The following PRR33 variants were observed in gnomAD, a reference collection of about 807,000 sequenced individuals.
PRR33 encodes the protein proline-rich protein 33.
PRR33 carries 1 observed loss-of-function variant against 0.5 expected under a neutral mutation model. The observed-to-expected ratio is 2.18, with a 90% confidence interval of 0.77 to 10.34. The LOEUF (loss-of-function observed/expected upper bound fraction) is 10.34. Among genes scored for constraint, PRR33 ranks in the 30% most tolerant of loss-of-function variants. The pLI, the probability that PRR33 is intolerant of heterozygous loss-of-function variation, is 0.13. For synonymous variants in PRR33, 226 were observed against 110.0 expected, an observed-to-expected ratio of 2.06 and a Z score of -6.60; for missense variants, 552 against 251.8, an observed-to-expected ratio of 2.19 and a Z score of -8.07.
chr11:1,906,964 A>G, the PRR33 span, among the ~76,000 whole-genome samples: 1 of 152,180 alleles, frequency 6.6e-6, no homozygotes, highest in African/African-American at 2.4e-5. Context: ...TGTGGGCTCC[A>G]CCTCAACTCC....
chr11:1,914,406 C>T, the PRR33 span, among the ~76,000 whole-genome samples: 1 of 151,156 alleles, frequency 6.6e-6, no homozygotes, highest in South Asian at 2.1e-4. Flanking sequence ...TGGGGTCACA[C>T]ACCTGGGATG....
chr11:1,889,476 G>T (rs1435180486), exon 1 of PRR33: 3 of 628,420 alleles, frequency 4.8e-6, no homozygotes, highest in Non-Finnish European at 8.8e-6. Flanking sequence ...CTCTGTGGGG[G>T]TGGGCACCTC....
At chr11:1,894,224 A>AGAGTGT (rs141842016), upstream of PRR33, among the ~76,000 whole-genome samples, 2,205 of 127,724 alleles carry the variant, frequency 0.017, 85 homozygotes, top group African/African-American at 0.067. Context: ...GGAGTGTGGG[A>AGAGTGT]GTGTGTGTGT....
chr11:1,893,661 T>C (rs1422341674), upstream of PRR33, among the ~76,000 whole-genome samples: 2 of 143,038 alleles, frequency 1.4e-5, no homozygotes, highest in Admixed American at 1.4e-4. Context: ...AATGAAGGGA[T>C]GGGTAGGTGG....
the PRR33 span, among the ~76,000 whole-genome samples, chr11:1,910,202 G>A: frequency 2.0e-5 from 3 of 151,942 alleles, no homozygotes; most frequent in Non-Finnish European, 4.4e-5. Context: ...GCAAATGCCG[G>A]ACTGAGGGAT....
At chr11:1,905,378 C>T in the PRR33 span, among the ~76,000 whole-genome samples, 1 of 151,242 alleles carries the variant, frequency 6.6e-6, no homozygotes, top group African/African-American at 2.4e-5. Context: ...CCGTCTGCCT[C>T]AGGCTCCCAA....
chr11:1,907,483 C>T, the PRR33 span, among the ~76,000 whole-genome samples: 2 of 152,348 alleles, frequency 1.3e-5, no homozygotes, highest in South Asian at 2.1e-4. Flanking sequence ...GCAATCTTGG[C>T]TCACTGCAAC....
exon 1 of PRR33, chr11:1,889,233 C>T (rs748044107): frequency 2.5e-5 from 17 of 674,106 alleles, no homozygotes; most frequent in Non-Finnish European, 3.9e-5. Flanking sequence ...GGGAGGGGGC[C>T]GGGTGGCCTC....
the PRR33 span, among the ~76,000 whole-genome samples, chr11:1,911,183 G>A: frequency 3.3e-5 from 5 of 152,146 alleles, no homozygotes; most frequent in South Asian, 2.1e-4. Context: ...AGTGGCTCAC[G>A]TCTGTAATCC....
At chr11:1,890,551 C>A in exon 1 of PRR33, 2 of 713,050 alleles carry the variant, frequency 2.8e-6, no homozygotes, top group Non-Finnish European at 5.2e-6. Flanking sequence ...GGGCCGCACA[C>A]CTCGGGTGCC....
chr11:1,904,302 G>T, the PRR33 span, among the ~76,000 whole-genome samples: 141 of 152,286 alleles, frequency 9.3e-4, 1 homozygote, highest in East Asian at 0.026. Context: ...GCCGAGGCGG[G>T]TGGATTGCCT....
chr11:1,902,117 A>C, the PRR33 span, among the ~76,000 whole-genome samples: 1 of 152,020 alleles, frequency 6.6e-6, no homozygotes, highest in Non-Finnish European at 1.5e-5. Context: ...CTGTAGTCCC[A>C]GCTACTCGGG....
At chr11:1,901,894 A>G in the PRR33 span, among the ~76,000 whole-genome samples, 1 of 152,230 alleles carries the variant, frequency 6.6e-6, no homozygotes, top group Admixed American at 6.5e-5. Context: ...TGAATGTCAG[A>G]AAGGTGCATT....
exon 1 of PRR33, chr11:1,889,816 AGGCCTG>A (rs1187378264): frequency 4.1e-5 from 26 of 636,136 alleles, no homozygotes; most frequent in Middle Eastern, 2.5e-4. Context: ...CTGGGCACTG[AGGCCTG>A]GAAGCCGGGT....
At chr11:1,890,041 G>A (rs1407687685) in exon 1 of PRR33, 4 of 701,014 alleles carry the variant, frequency 5.7e-6, no homozygotes, top group Non-Finnish European at 1.1e-5. Context: ...AGCTGGATGT[G>A]CACCTGGGTG....
At chr11:1,917,076 T>G in the PRR33 span, among the ~76,000 whole-genome samples, 1 of 152,178 alleles carries the variant, frequency 6.6e-6, no homozygotes, top group Non-Finnish European at 1.5e-5. Context: ...GCACTAGGCA[T>G]GTGGGGAGGC....
At chr11:1,901,096 G>T in the PRR33 span, among the ~76,000 whole-genome samples, 1 of 152,200 alleles carries the variant, frequency 6.6e-6, no homozygotes, top group African/African-American at 2.4e-5. Context: ...CAGATCACAA[G>T]GTCAGGAGTT....
the PRR33 span, among the ~76,000 whole-genome samples, chr11:1,912,244 T>C: frequency 1.3e-5 from 2 of 151,978 alleles, no homozygotes; most frequent in Admixed American, 6.6e-5. Flanking sequence ...AAAAAATTCT[T>C]GCTGTTTTTT....
chr11:1,889,617 C>T, exon 1 of PRR33: 2 of 614,464 alleles, frequency 3.3e-6, no homozygotes, highest in East Asian at 2.8e-5. Context: ...TGGGTGAGGG[C>T]CTGATGGTGG....
Sources: gnomAD v4.1 joint callset for allele counts (sites outside exome capture counted in the v4.1 genomes callset) on GRCh38, gnomAD v4.1.1 for gene constraint, MANE v1.5 for transcripts, NCBI Gene and HGNC (gene_info 2026-07-23, HGNC 2026-07-21) for gene names.